RAPGEF1: variants seen among roughly 807,000 people sequenced by gnomAD.
The protein encoded by RAPGEF1 is Rap guanine nucleotide exchange factor 1.
Under a neutral mutation model 143.3 loss-of-function variants are expected in RAPGEF1, and 33 were observed. The observed-to-expected ratio is 0.23, with a 90% CI of 0.17 to 0.31. The LOEUF (loss-of-function observed/expected upper bound fraction) is 0.31, where lower values mean the gene tolerates loss of function less well. RAPGEF1 is among the 10% of genes least tolerant of loss of function. RAPGEF1 has a pLI of 1.00. For synonymous variants in RAPGEF1, 629 were observed against 676.5 expected, an observed-to-expected ratio of 0.93 and a Z score of 1.09; for missense variants, 1,199 against 1,645.4, an observed-to-expected ratio of 0.73 and a Z score of 4.69.
chr9:131,679,785 T>C (rs1832755603), intron 1 of RAPGEF1, among the ~76,000 whole-genome samples: 1 of 152,158 alleles, frequency 6.6e-6, no homozygotes, highest in African/African-American at 2.4e-5. Context: ...AGGACTAAGG[T>C]CCCCAGCTTC....
At chr9:131,649,200 A>ATTTTTTTTTTTTTTTTTTTTTTTTTTTTT (rs55813422) in intron 3 of RAPGEF1, among the ~76,000 whole-genome samples, 1 of 87,236 alleles carries the variant, frequency 1.1e-5, no homozygotes, top group Non-Finnish European at 2.1e-5. Context: ...GCCTGGCTAA[A>ATTTTTTTTTTTTTTTTTTTTTTTTTTTTT]TTTTTTTTTT....
intron 1 of RAPGEF1, chr9:131,737,331 C>G: frequency 6.2e-7 from 1 of 1,610,900 alleles, no homozygotes; most frequent in Non-Finnish European, 8.5e-7. Flanking sequence ...TCAGCCCTCT[C>G]TTCAGAGCCT....
At chr9:131,593,537 C>T (rs1954727371) in intron 17 of RAPGEF1, among the ~76,000 whole-genome samples, 2 of 152,240 alleles carry the variant, frequency 1.3e-5, no homozygotes, top group Non-Finnish European at 2.9e-5. Context: ...CCCACCTTCT[C>T]CCTCATTCCC....
Position 131,588,793 on chromosome 9 carries a change from C to G in RAPGEF1, c.3053+8G>C. 3.7e-6 allele frequency: 6 copies of G among 1,607,204 alleles called. No homozygotes were observed. Among genetic ancestry groups the G allele is most frequent in the Non-Finnish European group, 5.1e-6 (6 of 1,176,858 alleles). ...GAAGAGGCAGGGCTGGAGAGGTGGG[C>G]TTCTCACCTGGCTGCTACCCCCCGG... is the stretch of plus-strand genomic sequence containing the variant. On this transcript the variant is annotated splice_region_variant and intron_variant, in intron 20 of 26. Coordinates refer to ENST00000683357, the MANE Select transcript of RAPGEF1 (RefSeq NM_001377935.1).
At chr9:131,591,582 C>T (rs1157518580) in intron 18 of RAPGEF1, among the ~76,000 whole-genome samples, 1 of 151,956 alleles carries the variant, frequency 6.6e-6, no homozygotes, top group African/African-American at 2.4e-5. Context: ...GGGACAGGAG[C>T]CCATTCCAGT....
chr9:131,668,916 TCA>T (rs1291264628), intron 1 of RAPGEF1, among the ~76,000 whole-genome samples: 1 of 152,214 alleles, frequency 6.6e-6, no homozygotes, highest in East Asian at 1.9e-4. Context: ...CCTCCGTGGC[TCA>T]GAGGAACCTG....
At chr9:131,592,480 C>T (rs191029802) in intron 17 of RAPGEF1, among the ~76,000 whole-genome samples, 6 of 152,268 alleles carry the variant, frequency 3.9e-5, no homozygotes, top group South Asian at 2.1e-4. Flanking sequence ...CCTGGAGAAC[C>T]GTGCTGTGGG....
Position 131,688,088 on chromosome 9 carries a change from G to A in RAPGEF1, c.62-37139C>T, listed in dbSNP as rs1455984532. Among the ~76,000 whole-genome samples, 3 of 152,220 alleles carry A rather than the reference G, an allele frequency of 2.0e-5. 1 individual carries two copies. The highest frequency in any genetic ancestry group is 1.3e-4 in the Admixed American group (2 of 15,286). ...AAAATGAGCCACAGCCAGGTCTCTT[G>A]ACCTTTCCAAGGTTAGTTCGTGCAC... is the stretch of plus-strand genomic sequence containing the variant. On this transcript the variant is annotated intron_variant, in intron 1 of 26. Transcript: ENST00000683357.
intron 1 of RAPGEF1, among the ~76,000 whole-genome samples, chr9:131,721,691 T>G (rs1347940428): frequency 6.6e-6 from 1 of 152,122 alleles, no homozygotes; most frequent in African/African-American, 2.4e-5. Flanking sequence ...ATCTGTGGAT[T>G]CAACCAACCT....
chr9:131,707,810 T>C (rs1835189866), intron 1 of RAPGEF1, among the ~76,000 whole-genome samples: 1 of 152,244 alleles, frequency 6.6e-6, no homozygotes, highest in African/African-American at 2.4e-5. Context: ...GAGTAAATTA[T>C]AGATAGCATA....
rs1400646726 is a variant in RAPGEF1 at position 131,584,286 on chromosome 9, C to T, written c.3414+25G>A. The stretch of plus-strand genomic sequence containing the variant: ...GCGGCCCCCCTTACCAGCCACCCTC[C>T]CGCCCACGCCCCAAGGCCACTCACC... On this transcript the variant is annotated intron_variant, in intron 24 of 26. Coordinates refer to ENST00000683357, the MANE Select transcript of RAPGEF1 (RefSeq NM_001377935.1). This position sits in a 1 kb window ranked among gnomAD's most constrained non-coding sequence, Gnocchi z 6.8. 2 of 1,581,424 alleles carry T rather than the reference C, an allele frequency of 1.3e-6. No homozygotes were observed.
chr9:131,726,505 A>G (rs761591962), intron 1 of RAPGEF1, among the ~76,000 whole-genome samples: 8 of 152,172 alleles, frequency 5.3e-5, no homozygotes, highest in Admixed American at 2.0e-4. Context: ...GGATGCCTAT[A>G]ATCCCAGCTA....
intron 3 of RAPGEF1, among the ~76,000 whole-genome samples, chr9:131,647,693 T>C (rs903973143): frequency 6.6e-6 from 1 of 152,206 alleles, no homozygotes; most frequent in African/African-American, 2.4e-5. Flanking sequence ...AGCAAGAGGT[T>C]CGCATTTACT....
rs1187480522 is a variant in RAPGEF1 at position 131,675,707 on chromosome 9, G to T, written c.62-24758C>A. Among the ~76,000 whole-genome samples the T allele has an allele frequency of 1.3e-5, 2 of 152,242 alleles. No homozygotes were observed. Among genetic ancestry groups the T allele is most frequent in the African/African-American group, 4.8e-5 (2 of 41,458 alleles). ...GAAGAGGAATTTAAGGCAAGGGTTAGTCAGGAGCTAGTCTACTTCTTGCTC... is the reference window on the plus strand; with the variant it reads ...GAAGAGGAATTTAAGGCAAGGGTTATTCAGGAGCTAGTCTACTTCTTGCTC... On this transcript the variant is annotated intron_variant, in intron 1 of 26. Transcript: ENST00000683357. This position sits in a 1 kb window ranked among gnomAD's most constrained non-coding sequence, Gnocchi z 4.6.
chr9:131,594,290 C>T (rs1373037146), intron 17 of RAPGEF1, among the ~76,000 whole-genome samples: 3 of 152,194 alleles, frequency 2.0e-5, no homozygotes, highest in South Asian at 2.1e-4. Flanking sequence ...TAAAAGGCCC[C>T]GAAATTGTCC....
chr9:131,635,967 G>A (rs1277213981), intron 5 of RAPGEF1, among the ~76,000 whole-genome samples: 1 of 152,174 alleles, frequency 6.6e-6, no homozygotes, highest in African/African-American at 2.4e-5. Context: ...ACAGTGTCTC[G>A]ATCACTCTCA....
At chr9:131,694,436 A>C (rs1833993199) in intron 1 of RAPGEF1, among the ~76,000 whole-genome samples, 2 of 152,208 alleles carry the variant, frequency 1.3e-5, no homozygotes, top group Admixed American at 1.3e-4. Flanking sequence ...CCCAGGTTTG[A>C]AAAGCTTTGT....
intron 1 of RAPGEF1, among the ~76,000 whole-genome samples, chr9:131,706,852 A>G (rs1835110173): frequency 6.6e-6 from 1 of 152,194 alleles, no homozygotes; most frequent in African/African-American, 2.4e-5. Context: ...TAAAAACCAG[A>G]ACTGCTCTGT....
At chr9:131,713,361 G>A (rs1490219179) in intron 1 of RAPGEF1, among the ~76,000 whole-genome samples, 1 of 152,200 alleles carries the variant, frequency 6.6e-6, no homozygotes, top group Non-Finnish European at 1.5e-5. Flanking sequence ...AGATTCCTCA[G>A]AGAGGGGCAG....
Sources: gnomAD v4.1 joint callset for allele counts (sites outside exome capture counted in the v4.1 genomes callset) on GRCh38, gnomAD v4.1.1 for gene constraint, Gnocchi (gnomAD v3.1) non-coding constraint, MANE v1.5 for transcripts, NCBI Gene and HGNC (gene_info 2026-07-23, HGNC 2026-07-21) for gene names.